Variants in ZNF143 observed in about 807,000 individuals in gnomAD.
The protein encoded by ZNF143 is zinc finger protein 143.
In ZNF143, 49 loss-of-function variants were observed where a neutral mutation model predicts 74.1. The ratio of observed to expected loss-of-function variants is 0.66; its 90% confidence interval spans 0.53 to 0.84. The LOEUF (loss-of-function observed/expected upper bound fraction) is 0.84, where lower values mean the gene tolerates loss of function less well. ZNF143 is among the 40% of genes least tolerant of loss of function. The pLI, the probability that ZNF143 is intolerant of heterozygous loss-of-function variation, is 0.00. For synonymous variants in ZNF143, 304 were observed against 282.8 expected (o/e 1.07, Z -0.75); for missense variants, 637 against 793.4 (o/e 0.80, Z 2.37).
At chr11:9,471,194 C>G in intron 1 of ZNF143, 108 bp from the exon 2 acceptor site, 1 of 882,268 alleles carries the variant, frequency 1.1e-6, no homozygotes, top group Admixed American at 2.9e-5. Flanking sequence ...ATCTTATTTC[C>G]AACACCATTA....
chr11:9,487,755 T>C (rs1847616308), intron 7 of ZNF143, among the ~76,000 whole-genome samples: 1 of 152,232 alleles, frequency 6.6e-6, no homozygotes, highest in Admixed American at 6.5e-5. Context: ...ATTTCACTGG[T>C]GTTAGCTTCA....
chr11:9,473,682 C>A, intron 3 of ZNF143: 3 of 1,036,864 alleles, frequency 2.9e-6, no homozygotes, highest in South Asian at 1.4e-5. Context: ...ACTCATGTAG[C>A]CTGCTGTGAT....
At chr11:9,464,948 A>G (rs1856108022) in intron 1 of ZNF143, among the ~76,000 whole-genome samples, 2 of 152,078 alleles carry the variant, frequency 1.3e-5, no homozygotes, top group African/African-American at 4.8e-5. Context: ...ATAATGCTAA[A>G]TGGCCTATAA....
rs1856449840 is a variant in ZNF143, at chr11:9,469,503, A to G, written c.-7-1799A>G. On this transcript the variant is annotated intron_variant, in intron 1 of 15. Coordinates refer to ENST00000396602, the MANE Select transcript of ZNF143 (RefSeq NM_003442.6). ...CACCCTGGCCTCCCAAAGTGCTGGG[A>G]TTACAGGCATGAGCCACCGCGTGCA... Among the ~76,000 whole-genome samples the G allele has an allele frequency of 2.0e-5, 3 of 151,808 alleles. No homozygotes were observed. The South Asian group carries it at 6.2e-4, about 32-fold the overall frequency.
chr11:9,525,047 C>G (rs568887075), intron 14 of ZNF143, among the ~76,000 whole-genome samples, 193 bp from the exon 15 acceptor site: 18 of 152,294 alleles, frequency 1.2e-4, no homozygotes, highest in Non-Finnish European at 2.4e-4. Context: ...GCCGTTGGCT[C>G]ACTTCATAAC....
chr11:9,475,005 GC>G (rs1348174477), intron 5 of ZNF143, among the ~76,000 whole-genome samples: 1 of 152,056 alleles, frequency 6.6e-6, no homozygotes, highest in Non-Finnish European at 1.5e-5. Context: ...TCCTGCCTCA[GC>G]CTCCTGAATA....
chr11:9,467,295 G>A (rs902601058), intron 1 of ZNF143, among the ~76,000 whole-genome samples: 2 of 150,930 alleles, frequency 1.3e-5, no homozygotes, highest in Admixed American at 6.6e-5. Flanking sequence ...GAGTGCAGTG[G>A]CACCATCTTG....
chr11:9,511,993 C>T (rs897073928), intron 12 of ZNF143, among the ~76,000 whole-genome samples: 2 of 151,934 alleles, frequency 1.3e-5, no homozygotes, highest in Admixed American at 6.6e-5. Flanking sequence ...CCTCGTGATC[C>T]ACCCACCTCA....
At chr11:9,479,598 C>A in intron 7 of ZNF143, 52 bp downstream of exon 7, 2 of 1,483,444 alleles carry the variant, frequency 1.3e-6, no homozygotes, top group East Asian at 2.3e-5. Flanking sequence ...TTTCTGTGCC[C>A]TTCTGTGGAT....
chr11:9,492,191 T>G (rs976070627), intron 7 of ZNF143, among the ~76,000 whole-genome samples: 2 of 151,118 alleles, frequency 1.3e-5, no homozygotes, highest in Admixed American at 6.6e-5. Flanking sequence ...GCTCACTGCT[T>G]CTTCTGCCTC....
intron 7 of ZNF143, among the ~76,000 whole-genome samples, chr11:9,493,338 G>C (rs895448282): frequency 6.6e-6 from 1 of 152,050 alleles, no homozygotes; most frequent in African/African-American, 2.4e-5. Context: ...ACAAAGTTCT[G>C]GGATTACAGG....
intron 7 of ZNF143, among the ~76,000 whole-genome samples, chr11:9,494,032 A>G (rs1213636739): frequency 6.6e-6 from 1 of 152,158 alleles, no homozygotes; most frequent in African/African-American, 2.4e-5. Flanking sequence ...ACTTGAGTAT[A>G]TTAAGGAATA....
intron 14 of ZNF143, among the ~76,000 whole-genome samples, chr11:9,519,506 T>G (rs1848838727): frequency 6.6e-6 from 1 of 152,202 alleles, no homozygotes; most frequent in African/African-American, 2.4e-5. Context: ...CTTTTGTGTC[T>G]GGGTTTTTCT....
In ZNF143 at chr11:9,474,044, G is replaced by A; in HGVS notation, c.289+20G>A. The A allele has an allele frequency of 1.3e-6, 2 of 1,574,296 alleles. No individual in the cohort carries two copies. The highest frequency in any genetic ancestry group is 1.3e-5 in the African/African-American group (1 of 74,184). On this transcript the variant is annotated intron_variant, in intron 4 of 15. Coordinates refer to ENST00000396602, the MANE Select transcript of ZNF143 (RefSeq NM_003442.6). ...AAAGTAGTAAGTATTTAAGATAACA[G>A]CACGGGAAACCATTTTAATTCTCAG...
In ZNF143 at chr11:9,508,724, A is replaced by G; in HGVS notation, c.1253A>G (p.Asn418Ser). 4 of 1,614,024 alleles carry G rather than the reference A, an allele frequency of 2.5e-6. No individual in the cohort carries two copies. Among genetic ancestry groups the G allele is most frequent in the South Asian group, 1.1e-5 (1 of 91,042 alleles). Residue 418 changes from asparagine to serine, a missense_variant, in exon 12 of 16, where the codon AAC (asparagine) becomes AGC (serine). By Grantham distance (46) the Asn-to-Ser change is conservative. Transcript: ENST00000396602. ...GTCCACACTCATTCCAAACCTTACA[A>G]CTGTAACCACTGTGGGAAGACATAC... ...HVVHTHSKPY[N>S]CNHCGKTYKQ...
intron 5 of ZNF143, among the ~76,000 whole-genome samples, chr11:9,475,897 C>CAAAAAAA (rs143515065): frequency 7.0e-6 from 1 of 142,914 alleles, no homozygotes; most frequent in African/African-American, 2.7e-5. Context: ...GACCCTGTCT[C>CAAAAAAA]AAAAAAATAT....
chr11:9,484,726 C>T (rs1847391636), intron 7 of ZNF143, among the ~76,000 whole-genome samples: 1 of 149,966 alleles, frequency 6.7e-6, no homozygotes, highest in Admixed American at 6.6e-5. Flanking sequence ...GAACTCCTGA[C>T]CTCCAGTGAT....
intron 13 of ZNF143, among the ~76,000 whole-genome samples, chr11:9,513,846 C>T (rs1321901536): frequency 6.6e-6 from 1 of 152,148 alleles, no homozygotes; most frequent in African/African-American, 2.4e-5. Context: ...CAACATTGTG[C>T]CACTACACTC....
intron 15 of ZNF143, 74 bp downstream of exon 15, chr11:9,525,460 CGTGTATAACCTTTACAG>C (rs1849090367): frequency 1.3e-6 from 2 of 1,575,666 alleles, no homozygotes; most frequent in African/African-American, 1.3e-5. Flanking sequence ...CACTGTGCTT[CGTGTATAACCTTTACAG>C]GAGGCAAGGT....
Sources: allele counts gnomAD v4.1 joint callset (sites outside exome capture counted in the v4.1 genomes callset), GRCh38; gene constraint gnomAD v4.1.1; transcripts MANE v1.5; gene names NCBI Gene and HGNC (gene_info 2026-07-23, HGNC 2026-07-21).